Variants in CARMIL1 observed in about 807,000 individuals in gnomAD.
CARMIL1 encodes capping protein regulator and myosin 1 linker 1.
CARMIL1 carries 90 observed loss-of-function variants against 177.1 expected under a neutral mutation model. That is an observed-to-expected ratio of 0.51 (90% CI 0.43 to 0.61). CARMIL1 has a LOEUF of 0.61. Ranked by LOEUF, CARMIL1 falls within the 20% of genes least tolerant of loss-of-function variation. The probability of loss-of-function intolerance (pLI) is 0.00; values close to 1 mark genes in which losing one functional copy is unlikely to be tolerated. For synonymous variants in CARMIL1, 577 were observed against 606.2 expected (o/e 0.95, Z 0.71); for missense variants, 1,380 against 1,667.0 (o/e 0.83, Z 3.00).
intron 2 of CARMIL1, among the ~76,000 whole-genome samples, chr6:25,348,291 G>T (rs1053238335): frequency 6.6e-6 from 1 of 151,588 alleles, no homozygotes; most frequent in African/African-American, 2.4e-5. Flanking sequence ...CGCCACCACA[G>T]CCGGCTAATT....
At position 25,561,197 on chromosome 6, in the gene CARMIL1, G is replaced by A. The variant is rs112825079; in HGVS notation, c.2742+4347G>A. 2.0e-3 allele frequency among the ~76,000 whole-genome samples: 297 copies of A among 152,194 alleles called. 2 individuals carry two copies. The highest frequency in any genetic ancestry group is 0.014 in the Middle Eastern group (4 of 294). On this transcript the variant is annotated intron_variant, in intron 29 of 36. Coordinates refer to ENST00000329474, the MANE Select transcript of CARMIL1 (RefSeq NM_017640.6). The stretch of plus-strand genomic sequence containing the variant: ...GAACTTTGGTGTCTTACTGGTCCTT[G>A]GGGTATTGAAGGATGCAGTTTTAGT...
chr6:25,482,239 T>C lies in CARMIL1; in HGVS notation c.875-18T>C. 1.5e-6 allele frequency: 2 copies of C among 1,346,734 alleles called. No homozygotes were observed. The highest frequency in any genetic ancestry group is 2.1e-6 in the Non-Finnish European group (2 of 958,608). 83.4% of individuals were successfully genotyped at this position (1,346,734 alleles called of 1,614,324 possible). On this transcript the variant is annotated intron_variant, in intron 11 of 36. Transcript: ENST00000329474. Reference sequence around the variant, plus strand: ...CTGAGAACTTGAAAATTCTAATCGCTTCTTTTTCCTTTCTCAGGTGTGTCC... The same window carrying C: ...CTGAGAACTTGAAAATTCTAATCGCCTCTTTTTCCTTTCTCAGGTGTGTCC...
At chr6:25,585,795 C>G (rs1016769092) in intron 31 of CARMIL1, among the ~76,000 whole-genome samples, 13 of 151,798 alleles carry the variant, frequency 8.6e-5, no homozygotes, top group Admixed American at 8.5e-4. Flanking sequence ...CAAAGCACAT[C>G]TTGCACCGCC....
intron 8 of CARMIL1, among the ~76,000 whole-genome samples, chr6:25,464,231 C>T (rs879611134): frequency 1.3e-5 from 2 of 150,020 alleles, no homozygotes; most frequent in Non-Finnish European, 3.0e-5. Flanking sequence ...ATGACTGAGC[C>T]TGCCTATTTC....
At chr6:25,539,145 A>C (rs963617702) in intron 25 of CARMIL1, among the ~76,000 whole-genome samples, 1 of 152,032 alleles carries the variant, frequency 6.6e-6, no homozygotes, top group African/African-American at 2.4e-5. Flanking sequence ...CATTTTAGCA[A>C]ATTATGGAAC....
intron 4 of CARMIL1, chr6:25,433,207 C>T (rs1241786273): frequency 2.6e-5 from 4 of 151,388 alleles, no homozygotes; most frequent in Non-Finnish European, 5.9e-5. Flanking sequence ...ATTTTTTCTT[C>T]TCTGTCATTC....
At chr6:25,429,533 C>T (rs1050761679) in intron 4 of CARMIL1, among the ~76,000 whole-genome samples, 1 of 152,158 alleles carries the variant, frequency 6.6e-6, no homozygotes, top group East Asian at 1.9e-4. Context: ...AGCAAATCTT[C>T]TTGTCTTTTT....
intron 2 of CARMIL1, chr6:25,388,980 G>T (rs4712924): frequency 0.14 from 22,067 of 152,244 alleles, 1,840 homozygotes; most frequent in East Asian, 0.32. Context: ...ACCACACCTG[G>T]CCTCTACTTA....
chr6:25,507,211 G>A (rs1298729440), intron 17 of CARMIL1, among the ~76,000 whole-genome samples: 1 of 152,108 alleles, frequency 6.6e-6, no homozygotes, highest in Non-Finnish European at 1.5e-5. Context: ...TTACAGTAAT[G>A]GAAAAGCTTT....
At chr6:25,301,908 A>G (rs978313113) in intron 2 of CARMIL1, among the ~76,000 whole-genome samples, 2 of 152,228 alleles carry the variant, frequency 1.3e-5, no homozygotes, top group Admixed American at 1.3e-4. Context: ...CAAATAAGCC[A>G]GCTCACCATA....
At chr6:25,384,323 G>T (rs1333028084) in intron 2 of CARMIL1, among the ~76,000 whole-genome samples, 3 of 152,234 alleles carry the variant, frequency 2.0e-5, no homozygotes, top group African/African-American at 7.2e-5. Flanking sequence ...CAGCGTTGAT[G>T]CTCAGATCCC....
Position 25,284,800 on chromosome 6 carries a change from T to C in CARMIL1, c.41-12T>C. The C allele has an allele frequency of 7.1e-7, 1 of 1,411,906 alleles. No homozygotes were observed. Among genetic ancestry groups the C allele is most frequent in the Non-Finnish European group, 9.8e-7 (1 of 1,025,328 alleles). The allele number at this position is 1,411,906 out of a possible 1,614,324, so 87.5% of individuals were successfully genotyped here. A position where few individuals can be genotyped will look rare whatever the true frequency, so the allele number is the denominator to read the frequency against. On this transcript the variant is annotated splice_polypyrimidine_tract_variant and intron_variant, in intron 1 of 36. Transcript: ENST00000329474. ...TTTTCTTATTAATAACATAATTCCT[T>C]TTTTTTTTCAGAAAGCATAAAGGAT...
intron 3 of CARMIL1, 175 bp downstream of exon 3, chr6:25,420,339 A>C (rs2150692205): frequency 1.6e-6 from 1 of 641,616 alleles, no homozygotes. Context: ...GATTTCTCTT[A>C]GCACATTCAA....
At chr6:25,489,225 T>C (rs76394422) in intron 13 of CARMIL1, among the ~76,000 whole-genome samples, 4,408 of 152,196 alleles carry the variant, frequency 0.029, 172 homozygotes, top group African/African-American at 0.082. Flanking sequence ...AATTGCCTGG[T>C]AAGGAAGATT....
intron 2 of CARMIL1, among the ~76,000 whole-genome samples, chr6:25,293,284 G>A (rs1352137236): frequency 6.6e-6 from 1 of 150,406 alleles, no homozygotes; most frequent in African/African-American, 2.4e-5. Context: ...GTGTGTGTGT[G>A]TGTGTGTGTG....
At position 25,606,237 on chromosome 6, in the gene CARMIL1, G is replaced by A. The variant is rs562410993; in HGVS notation, c.3811G>A (p.Val1271Ile). The A allele has an allele frequency of 8.2e-5, 133 of 1,613,820 alleles. No homozygotes were observed. In the South Asian group the frequency reaches 1.0e-3, roughly 13 times the overall value. ...SPKPSLAARP[V>I]IPQKPRTASR... The stretch of plus-strand genomic sequence containing the variant: ...CAAACCCAGTCTGGCAGCACGGCCC[G>A]TCATCCCGCAGAAACCAAGAACCGC... Residue 1271 changes from valine to isoleucine, a missense_variant, in exon 35 of 37, where the codon GTC becomes ATC. Coordinates refer to ENST00000329474, the MANE Select transcript of CARMIL1 (RefSeq NM_017640.6).
At chr6:25,595,612 G>A (rs369477496) in intron 32 of CARMIL1, among the ~76,000 whole-genome samples, 7 of 151,970 alleles carry the variant, frequency 4.6e-5, no homozygotes, top group African/African-American at 9.7e-5. Context: ...CCACCCCCCC[G>A]AATTAATTGC....
chr6:25,425,936 C>T (rs1484723105), intron 3 of CARMIL1, among the ~76,000 whole-genome samples: 1 of 152,000 alleles, frequency 6.6e-6, no homozygotes, highest in Non-Finnish European at 1.5e-5. Context: ...AGTAGAAGGA[C>T]GGCTGACTCT....
chr6:25,480,764 T>C (rs1802041255), intron 11 of CARMIL1, among the ~76,000 whole-genome samples: 1 of 142,712 alleles, frequency 7.0e-6, no homozygotes, highest in South Asian at 2.3e-4. Flanking sequence ...GGAGTCTTGC[T>C]GTGTTACCCA....
Sources: gnomAD v4.1 joint callset for allele counts (sites outside exome capture counted in the v4.1 genomes callset) on GRCh38, gnomAD v4.1.1 for gene constraint, MANE v1.5 for transcripts, NCBI Gene and HGNC (gene_info 2026-07-23, HGNC 2026-07-21) for gene names.